ACOX3: variants seen among roughly 807,000 people sequenced by gnomAD.
ACOX3 encodes the protein acyl-CoA oxidase 3, pristanoyl, also known as peroxisomal acyl-coenzyme A oxidase 3.
In ACOX3, 73 loss-of-function variants were observed where a neutral mutation model predicts 81.5. The ratio of observed to expected loss-of-function variants is 0.90; its 90% CI spans 0.74 to 1.09. The LOEUF is 1.09. ACOX3 is among the 50% of genes least tolerant of loss of function. The probability of loss-of-function intolerance (pLI) is 0.00; values close to 1 mark genes in which losing one functional copy is unlikely to be tolerated. For synonymous variants in ACOX3, 387 were observed against 375.1 expected (o/e 1.03, Z -0.37); for missense variants, 947 against 928.0 (o/e 1.02, Z -0.27).
chr4:8,365,554 T>C (rs1319856520), downstream of ACOX3, among the ~76,000 whole-genome samples: 1 of 152,208 alleles, frequency 6.6e-6, no homozygotes, highest in Non-Finnish European at 1.5e-5. Flanking sequence ...CCTGCGGCAG[T>C]GTCCAGCCTA....
chr4:8,389,328 C>A lies in ACOX3; in HGVS notation c.1424-42G>T. Reference sequence around the variant, plus strand: ...AGTGACTTTGGTGGAAGACAGGAACCCAAACCATTGGGAACCCCAAGCTGG... The same window carrying A: ...AGTGACTTTGGTGGAAGACAGGAACACAAACCATTGGGAACCCCAAGCTGG... On this transcript the variant is annotated intron_variant, in intron 12 of 17. Transcript: ENST00000356406. This position sits in a 1 kb window ranked among gnomAD's most constrained non-coding sequence, Gnocchi z 5.3. The A allele has an allele frequency of 1.3e-6, 2 of 1,573,236 alleles. No homozygotes were observed. Among genetic ancestry groups the A allele is most frequent in the Non-Finnish European group, 8.7e-7 (1 of 1,151,954 alleles).
At chr4:8,373,949 T>G in intron 15 of ACOX3, 1 of 399,950 alleles carries the variant, frequency 2.5e-6, no homozygotes, top group Non-Finnish European at 4.6e-6. Flanking sequence ...GGCGGGTTCC[T>G]TCCTCGGGAG....
chr4:8,399,713 T>TC lies in ACOX3; in HGVS notation c.777-62dup, dbSNP rs1720149960. On this transcript the variant is annotated intron_variant, in intron 7 of 17. Coordinates refer to ENST00000356406, the MANE Select transcript of ACOX3 (RefSeq NM_003501.3). The surrounding 1 kb of genome is among the most constrained non-coding windows in gnomAD (Gnocchi z 4.9). Reference sequence around the variant, plus strand: ...GTCCTGCCCTGAGGCTCTTCTCTTCTCCAAGGGCAGCCTAAAAGCTGATGC... The same window carrying TC: ...GTCCTGCCCTGAGGCTCTTCTCTTCTCCCAAGGGCAGCCTAAAAGCTGATGC... The TC allele has an allele frequency of 6.8e-7, 1 of 1,479,148 alleles. No homozygotes were observed. The allele number at this position is 1,479,148 out of a possible 1,614,324, so 91.6% of individuals were successfully genotyped here.
Position 8,417,870 on chromosome 4 carries a change from C to A in ACOX3, c.-14-1335G>T, listed in dbSNP as rs142582571. 5.9e-5 allele frequency among the ~76,000 whole-genome samples: 9 copies of A among 152,298 alleles called. No homozygotes were observed. The East Asian group carries it at 1.7e-3, about 29-fold the overall frequency. On this transcript the variant is annotated intron_variant, in intron 1 of 17. Coordinates refer to ENST00000356406, the MANE Select transcript of ACOX3 (RefSeq NM_003501.3). The stretch of plus-strand genomic sequence containing the variant: ...ATCAGGAATCAAAGACGGGACATCA[C>A]CACTGACCCTAAAGAAATAAAAAGG...
intron 3 of ACOX3, 26 bp downstream of exon 3, chr4:8,415,740 C>T (rs756730810): frequency 1.9e-6 from 3 of 1,604,642 alleles, no homozygotes; most frequent in South Asian, 1.1e-5. Flanking sequence ...AAAGCCGTTT[C>T]CCTCTCCCCT....
rs1723951258 is a variant in ACOX3 at position 8,431,495 on chromosome 4, A to G, written c.-15+9153T>C. Reference sequence around the variant, plus strand: ...GAGTCAGGGTGGTGGGGAGGTAGGAAGAGAGGAAGGGGTCGTGCTACACTC... The same window carrying G: ...GAGTCAGGGTGGTGGGGAGGTAGGAGGAGAGGAAGGGGTCGTGCTACACTC... On this transcript the variant is annotated intron_variant, in intron 1 of 17. Transcript: ENST00000356406. This position sits in a 1 kb window ranked among gnomAD's most constrained non-coding sequence, Gnocchi z 5.3. 6.6e-6 allele frequency among the ~76,000 whole-genome samples: 1 copy of G among 152,216 alleles called. No homozygotes were observed. The highest frequency in any genetic ancestry group is 6.5e-5 in the Admixed American group (1 of 15,284).
intron 17 of ACOX3, 147 bp from the exon 18 acceptor site, chr4:8,367,227 C>G (rs1715572369): frequency 4.5e-6 from 5 of 1,099,028 alleles, no homozygotes; most frequent in Admixed American, 2.6e-5. Context: ...CGCCCGTAAT[C>G]CCAGCATTTT....
intron 9 of ACOX3, among the ~76,000 whole-genome samples, 165 bp downstream of exon 9, chr4:8,396,772 T>A (rs1394542086): frequency 6.6e-6 from 1 of 152,184 alleles, no homozygotes; most frequent in Non-Finnish European, 1.5e-5. Context: ...AACCATTTGC[T>A]GGAAGCCTTG....
chr4:8,388,716 G>A (rs954454678), intron 13 of ACOX3, among the ~76,000 whole-genome samples: 7 of 152,356 alleles, frequency 4.6e-5, no homozygotes, highest in South Asian at 2.1e-4. Context: ...AGTGAAGGAG[G>A]TGCGGGAGGT....
intron 11 of ACOX3, among the ~76,000 whole-genome samples, chr4:8,390,283 A>G (rs1718833254): frequency 6.6e-6 from 1 of 152,040 alleles, no homozygotes; most frequent in Non-Finnish European, 1.5e-5. Flanking sequence ...ATTTGAGGCA[A>G]AAGTAAGCCA....
rs977457024 is a variant in ACOX3, at chr4:8,407,456, C to T, written c.688-1413G>A. On this transcript the variant is annotated intron_variant, in intron 6 of 17. Transcript: ENST00000356406. This position sits in a 1 kb window ranked among gnomAD's most constrained non-coding sequence, Gnocchi z 4.6. ...TGAAAGAGATAGGAAGGATCCTCCC[C>T]TAGAGCCTTTAAAGGGAATGCCGCC... Among the ~76,000 whole-genome samples the T allele has an allele frequency of 6.6e-6, 1 of 152,226 alleles. No homozygotes were observed. The highest frequency in any genetic ancestry group is 2.4e-5 in the African/African-American group (1 of 41,458).
chr4:8,392,531 C>T, intron 10 of ACOX3, 78 bp from the exon 11 acceptor site: 1 of 1,407,142 alleles, frequency 7.1e-7, no homozygotes, highest in East Asian at 2.5e-5. Flanking sequence ...GCAATAGCAT[C>T]AAACCACCAT....
rs987145375 is a variant in ACOX3 at position 8,416,077 on chromosome 4, C to T, written c.145-78G>A. The T allele has an allele frequency of 1.5e-5, 21 of 1,396,498 alleles. No homozygotes were observed. Among genetic ancestry groups the T allele is most frequent in the African/African-American group, 4.3e-5 (3 of 70,172 alleles). 86.5% of individuals were successfully genotyped at this position (1,396,498 alleles called of 1,614,324 possible). On this transcript the variant is annotated intron_variant, in intron 2 of 17. Transcript: ENST00000356406. This position sits in a 1 kb window ranked among gnomAD's most constrained non-coding sequence, Gnocchi z 4.2. ...CATGTGCCCTTATATAGTTGACCTCCAGGCCACAGGCTTCATGGGACACAG... is the reference window on the plus strand; with the variant it reads ...CATGTGCCCTTATATAGTTGACCTCTAGGCCACAGGCTTCATGGGACACAG...
intron 1 of ACOX3, among the ~76,000 whole-genome samples, chr4:8,424,461 G>A (rs928946144): frequency 3.3e-5 from 5 of 152,242 alleles, no homozygotes; most frequent in African/African-American, 1.2e-4. Context: ...ACCTGAGTAA[G>A]GAAACTGATG....
chr4:8,380,815 C>T (rs1239803054), intron 14 of ACOX3, among the ~76,000 whole-genome samples: 1 of 152,210 alleles, frequency 6.6e-6, no homozygotes, highest in East Asian at 1.9e-4. Context: ...AGGGCTGGCG[C>T]ACTCCAGCCA....
rs181513225 is a variant in ACOX3 at position 8,406,290 on chromosome 4, C to T, written c.688-247G>A. Among the ~76,000 whole-genome samples the T allele has an allele frequency of 1.1e-3, 164 of 152,296 alleles. 1 individual carries two copies. Among genetic ancestry groups the T allele is most frequent in the African/African-American group, 3.8e-3 (159 of 41,546 alleles). ...ATCAAGATAAGGTCATCCCAAATCA[C>T]CCAGGTGGGCCCTAAATCCCACGGC... On this transcript the variant is annotated intron_variant, in intron 6 of 17. Transcript: ENST00000356406. This position sits in a 1 kb window ranked among gnomAD's most constrained non-coding sequence, Gnocchi z 5.6.
intron 7 of ACOX3, among the ~76,000 whole-genome samples, chr4:8,402,324 T>A (rs533804410): frequency 1.3e-5 from 2 of 152,198 alleles, no homozygotes; most frequent in East Asian, 3.9e-4. Flanking sequence ...GGCCAGCTCC[T>A]CCAAAGCCCT....
At chr4:8,403,405 A>G (rs1720575985) in intron 7 of ACOX3, among the ~76,000 whole-genome samples, 1 of 152,174 alleles carries the variant, frequency 6.6e-6, no homozygotes. Flanking sequence ...CATTTCTGGA[A>G]AGGGGCGGAG....
At chr4:8,360,955 G>T in the ACOX3 span, among the ~76,000 whole-genome samples, 1 of 151,914 alleles carries the variant, frequency 6.6e-6, no homozygotes, top group Non-Finnish European at 1.5e-5. Flanking sequence ...AACTTACCAA[G>T]GTTTTCACCA....
Sources: allele counts gnomAD v4.1 joint callset (sites outside exome capture counted in the v4.1 genomes callset), GRCh38; gene constraint gnomAD v4.1.1; non-coding constraint Gnocchi (gnomAD v3.1); transcripts MANE v1.5; gene names NCBI Gene and HGNC (gene_info 2026-07-23, HGNC 2026-07-21).